The following SLC30A4 variants were observed in gnomAD, a reference collection of about 807,000 sequenced individuals.
The protein encoded by SLC30A4 is probable proton-coupled zinc antiporter SLC30A4.
SLC30A4 carries 20 observed loss-of-function variants against 41.7 expected under a neutral mutation model. The ratio of observed to expected loss-of-function variants is 0.48; its 90% confidence interval spans 0.34 to 0.70. The LOEUF is 0.70. Among genes scored for constraint, SLC30A4 ranks in the 30% least tolerant of loss-of-function variants. The pLI is 0.01. For missense variants in SLC30A4, 441 were observed against 529.3 expected, an observed-to-expected ratio of 0.83 and a Z score of 1.64; for synonymous variants, 181 against 195.9, an observed-to-expected ratio of 0.92 and a Z score of 0.64.
At chr15:45,490,905 A>ATTT in intron 3 of SLC30A4, 24 bp from the exon 4 acceptor site, 1 of 1,506,018 alleles carries the variant, frequency 6.6e-7, no homozygotes, top group Non-Finnish European at 8.9e-7. Context: ...CACATATAAC[A>ATTT]AATACATTTT....
At chr15:45,502,894 T>C (rs1481056732) in intron 3 of SLC30A4, 1 of 151,856 alleles carries the variant, frequency 6.6e-6, no homozygotes, top group Non-Finnish European at 1.5e-5. Flanking sequence ...CTCTGGAGGC[T>C]GCGAGGGTAA....
chr15:45,493,797 A>G (rs1337079528), intron 3 of SLC30A4, among the ~76,000 whole-genome samples: 1 of 152,158 alleles, frequency 6.6e-6, no homozygotes, highest in African/African-American at 2.4e-5. Context: ...ACTGCAACCC[A>G]GCCTGGCCGA....
intron 3 of SLC30A4, chr15:45,497,406 C>T (rs1891929979): frequency 6.6e-6 from 1 of 152,152 alleles, no homozygotes; most frequent in Non-Finnish European, 1.5e-5. Context: ...CCAGCTAAGT[C>T]TACACATACA....
At position 45,488,934 on chromosome 15, in the gene SLC30A4, A is replaced by C; in HGVS notation, c.801T>G (p.Asp267Glu). Residue 267 changes from aspartate (D) to glutamate (E), a missense_variant, in exon 5 of 8, where the codon GAT becomes GAG. Asp to Glu is a conservative substitution (Grantham distance 45). Coordinates refer to ENST00000261867, the MANE Select transcript of SLC30A4 (RefSeq NM_013309.6). ...CAAATGCAGCTCTCACTGCCAGGCT[A>C]TCCTGCCCATGGTTACGTTCACACC... is the stretch of plus-strand genomic sequence containing the variant. ...GSGCERNHGQ[D>E]SLAVRAAFVH... The C allele has an allele frequency of 1.2e-6, 2 of 1,614,202 alleles. No homozygotes were observed. The highest frequency in any genetic ancestry group is 1.7e-6 in the Non-Finnish European group (2 of 1,180,022).
At chr15:45,493,739 T>C (rs188777965) in intron 3 of SLC30A4, among the ~76,000 whole-genome samples, 100 of 152,168 alleles carry the variant, frequency 6.6e-4, no homozygotes, top group African/African-American at 2.4e-3. Flanking sequence ...GGCAGGAGAA[T>C]TGCTTGAACC....
In SLC30A4 at chr15:45,481,566, CATA is replaced by C. The variant is rs1891602252; in HGVS notation, c.*3594_*3596del. On this transcript the variant is annotated 3_prime_UTR_variant, in exon 8 of 8. Transcript: ENST00000261867. ...TTTATATTGTGGTCTGTGGTCCTGT[CATA>C]ATCTGTTTTCCCAGTGCAAAATTAA... The C allele has an allele frequency of 6.6e-6, 1 of 152,184 alleles. No homozygotes were observed. Among genetic ancestry groups the C allele is most frequent in the South Asian group, 2.1e-4 (1 of 4,832 alleles). The allele number at this position is 152,184 out of a possible 1,614,324, so 9.4% of individuals were successfully genotyped here.
At chr15:45,490,076 C>T (rs575470290) in intron 4 of SLC30A4, among the ~76,000 whole-genome samples, 9 of 152,040 alleles carry the variant, frequency 5.9e-5, no homozygotes, top group Non-Finnish European at 1.2e-4. Flanking sequence ...AATCTGTTAA[C>T]TTCAACTTTA....
chr15:45,509,247 T>A (rs1175793746), intron 3 of SLC30A4, among the ~76,000 whole-genome samples: 1 of 151,062 alleles, frequency 6.6e-6, no homozygotes, highest in Non-Finnish European at 1.5e-5. Context: ...AGGAACACAT[T>A]CTTTTTTTTT....
intron 2 of SLC30A4, among the ~76,000 whole-genome samples, chr15:45,520,575 G>A (rs1002894414): frequency 5.3e-5 from 8 of 152,072 alleles, no homozygotes; most frequent in Non-Finnish European, 7.3e-5. Context: ...GCACCCGGCC[G>A]GGGTGTCTTT....
At position 45,487,913 on chromosome 15, in the gene SLC30A4, T is replaced by A. The variant is rs900412984; in HGVS notation, c.895-281A>T. Among the ~76,000 whole-genome samples, 20 of 125,098 alleles carry A rather than the reference T, an allele frequency of 1.6e-4. No homozygotes were observed. In the South Asian group the frequency reaches 4.2e-3, roughly 26 times the overall value. 82.1% of individuals were successfully genotyped at this position (125,098 alleles called of 152,430 possible). ...AATATCAGAGCTGGAAAGAAGTAAG[T>A]GTGTGTGTGTGTGTGTGTGTGTGTG... is the stretch of plus-strand genomic sequence containing the variant. On this transcript the variant is annotated intron_variant, in intron 5 of 7. Coordinates refer to ENST00000261867, the MANE Select transcript of SLC30A4 (RefSeq NM_013309.6).
chr15:45,502,847 A>G (rs1892067477), intron 3 of SLC30A4: 1 of 152,208 alleles, frequency 6.6e-6, no homozygotes, highest in Admixed American at 6.5e-5. Context: ...TTAAAAAATT[A>G]GCTGGGTATG....
At chr15:45,485,599 G>C (rs1340612904) in intron 7 of SLC30A4, among the ~76,000 whole-genome samples, 1 of 151,998 alleles carries the variant, frequency 6.6e-6, no homozygotes, top group Non-Finnish European at 1.5e-5. Flanking sequence ...TAAACCTCAT[G>C]CATGTATTAT....
In SLC30A4 at chr15:45,511,169, G is replaced by A; in HGVS notation, c.507C>T (p.Thr169=). ...LALWLSSKSP[T]KRFTFGFHRL... ...GATGAAATCCAAAGGTGAATCTTTTGGTTGGTGATTTTGATGATAGCCACA... is the reference window on the plus strand; with the variant it reads ...GATGAAATCCAAAGGTGAATCTTTTAGTTGGTGATTTTGATGATAGCCACA... Residue 169 remains threonine (T), a synonymous_variant, in exon 3 of 8, where the codon ACC becomes ACT. Coordinates refer to ENST00000261867, the MANE Select transcript of SLC30A4 (RefSeq NM_013309.6). The A allele has an allele frequency of 6.2e-7, 1 of 1,613,772 alleles. No individual in the cohort carries two copies. The highest frequency in any genetic ancestry group is 8.5e-7 in the Non-Finnish European group (1 of 1,179,814).
intron 3 of SLC30A4, among the ~76,000 whole-genome samples, chr15:45,509,534 G>A (rs537975506): frequency 7.2e-5 from 11 of 152,142 alleles, no homozygotes; most frequent in South Asian, 6.2e-4. Context: ...GATTACAGAC[G>A]TGAGCCACCG....
chr15:45,501,996 C>T (rs908292820), intron 3 of SLC30A4: 2 of 151,880 alleles, frequency 1.3e-5, no homozygotes, highest in Admixed American at 6.6e-5. Flanking sequence ...TTCACAGACA[C>T]GAATCCTTTT....
intron 2 of SLC30A4, among the ~76,000 whole-genome samples, chr15:45,512,124 G>A (rs1196769085): frequency 6.6e-6 from 1 of 152,092 alleles, no homozygotes; most frequent in African/African-American, 2.4e-5. Context: ...TACAATTTTT[G>A]TTATCGATTT....
chr15:45,499,507 A>G (rs1175947028), intron 3 of SLC30A4, among the ~76,000 whole-genome samples: 4 of 151,996 alleles, frequency 2.6e-5, no homozygotes, highest in African/African-American at 4.8e-5. Flanking sequence ...CACCGTCTGG[A>G]AAAAAAACCA....
At position 45,522,369 on chromosome 15, in the gene SLC30A4, G is replaced by T. The variant is rs201199365; in HGVS notation, c.-15C>A. On this transcript the variant is annotated 5_prime_UTR_variant, in exon 2 of 8. Coordinates refer to ENST00000261867, the MANE Select transcript of SLC30A4 (RefSeq NM_013309.6). ...GAGCCGGCCATGGCAGAGGCTGAGC[G>T]GCCGCGGTGCGGAACGGCTTGGGGG... is the stretch of plus-strand genomic sequence containing the variant. 3 of 1,589,450 alleles carry T rather than the reference G, an allele frequency of 1.9e-6. No individual in the cohort carries two copies. The highest frequency in any genetic ancestry group is 1.7e-6 in the Non-Finnish European group (2 of 1,169,900).
At position 45,522,032 on chromosome 15, in the gene SLC30A4, C is replaced by G; in HGVS notation, c.323G>C (p.Arg108Thr). Reference sequence around the variant, plus strand: ...AATGGTCAACCTGGCTTTCACCTTTCTCTGCTTCAGTATCTCTCTCTGTTT... The same window carrying G: ...AATGGTCAACCTGGCTTTCACCTTTGTCTGCTTCAGTATCTCTCTCTGTTT... ...CSKQREILKQ[R>T]KVKARLTIAA... is the part of the protein sequence containing the mutation. Residue 108 changes from arginine to threonine, a missense_variant, in exon 2 of 8, where the codon AGA becomes ACA. By Grantham distance (71) the Arg-to-Thr change is moderately conservative. Transcript: ENST00000261867. 1 of 1,614,220 alleles carries G rather than the reference C, an allele frequency of 6.2e-7. No individual in the cohort carries two copies. The highest frequency in any genetic ancestry group is 1.3e-5 in the African/African-American group (1 of 75,056).
Sources: gnomAD v4.1 joint callset for allele counts (sites outside exome capture counted in the v4.1 genomes callset) on GRCh38, gnomAD v4.1.1 for gene constraint, MANE v1.5 for transcripts, NCBI Gene and HGNC (gene_info 2026-07-23, HGNC 2026-07-21) for gene names.